Variants in FAM178B observed in about 807,000 individuals in gnomAD.
The protein encoded by FAM178B is family with sequence similarity 178 member B.
FAM178B carries 82 observed loss-of-function variants against 91.7 expected under a neutral mutation model. That is an observed-to-expected ratio of 0.89 (90% confidence interval 0.75 to 1.07). The LOEUF (loss-of-function observed/expected upper bound fraction) is 1.07. Among genes scored for constraint, FAM178B ranks in the 50% least tolerant of loss-of-function variants. The probability of loss-of-function intolerance (pLI) is 0.00; values close to 1 mark genes in which losing one functional copy is unlikely to be tolerated. For synonymous variants in FAM178B, 368 were observed against 359.4 expected, an observed-to-expected ratio of 1.02 and a Z score of -0.27; for missense variants, 769 against 846.7, an observed-to-expected ratio of 0.91 and a Z score of 1.14.
At chr2:96,948,507 A>C (rs1052012816) in intron 7 of FAM178B, among the ~76,000 whole-genome samples, 1 of 152,240 alleles carries the variant, frequency 6.6e-6, no homozygotes, top group African/African-American at 2.4e-5. Context: ...GTTTGGAAAC[A>C]TGCAGAGAGG....
chr2:96,977,194 C>CAAA (rs70964891), intron 1 of FAM178B, among the ~76,000 whole-genome samples: 2 of 38,498 alleles, frequency 5.2e-5, no homozygotes, highest in Non-Finnish European at 9.3e-5. Context: ...GACTCTGTCT[C>CAAA]AAAAAAAAAA....
chr2:96,903,474 C>T (rs2080974546), intron 12 of FAM178B, among the ~76,000 whole-genome samples: 1 of 152,248 alleles, frequency 6.6e-6, no homozygotes, highest in Non-Finnish European at 1.5e-5. Context: ...ATCCACTGGG[C>T]TTTCCTTTGG....
chr2:96,986,572 G>T lies in FAM178B; in HGVS notation c.-259C>A, dbSNP rs2082428716. On this transcript the variant is annotated 5_prime_UTR_variant, in exon 1 of 17. Transcript: ENST00000490605. Reference sequence around the variant, plus strand: ...CCGCCGCCAGCTGGGGAGCTCGCCGGCCAAGTGCGCACCCTCTTCCTGTTA... The same window carrying T: ...CCGCCGCCAGCTGGGGAGCTCGCCGTCCAAGTGCGCACCCTCTTCCTGTTA... 2.1e-6 allele frequency: 1 copy of T among 486,600 alleles called. No homozygotes were observed. 30.1% of individuals were successfully genotyped at this position (486,600 alleles called of 1,614,324 possible). A position where few individuals can be genotyped will look rare whatever the true frequency, so the allele number is the denominator to read the frequency against.
At chr2:96,971,373 G>T (rs1364979300) in intron 3 of FAM178B, among the ~76,000 whole-genome samples, 3 of 150,220 alleles carry the variant, frequency 2.0e-5, no homozygotes, top group African/African-American at 7.4e-5. Context: ...CTCTCTCGCA[G>T]GCTGTTACAA....
intron 8 of FAM178B, among the ~76,000 whole-genome samples, chr2:96,933,999 T>C (rs1489100600): frequency 1.3e-5 from 2 of 152,238 alleles, no homozygotes; most frequent in African/African-American, 4.8e-5. Context: ...TTTAAACTTG[T>C]TTCAATATTG....
intron 1 of FAM178B, among the ~76,000 whole-genome samples, chr2:96,982,494 C>A (rs1207404986): frequency 6.6e-6 from 1 of 152,044 alleles, no homozygotes; most frequent in Non-Finnish European, 1.5e-5. Flanking sequence ...AACTCCTGAG[C>A]TCAAGCAATC....
rs572445594 is a variant in FAM178B at position 96,904,260 on chromosome 2, C to T, written c.1563-1553G>A. Among the ~76,000 whole-genome samples the T allele has an allele frequency of 3.2e-4, 48 of 152,230 alleles. No individual in the cohort carries two copies. The East Asian group carries it at 7.9e-3, about 25-fold the overall frequency. On this transcript the variant is annotated intron_variant, in intron 12 of 16. Coordinates refer to ENST00000490605, the MANE Select transcript of FAM178B (RefSeq NM_001122646.3). ...GCTGTATCCATACAGCTCAGTCCTACGGGGGGGTGTTGTGATTATGAATGA... is the reference window on the plus strand; with the variant it reads ...GCTGTATCCATACAGCTCAGTCCTATGGGGGGGTGTTGTGATTATGAATGA...
chr2:96,915,703 C>A (rs932244160), intron 12 of FAM178B, among the ~76,000 whole-genome samples: 11 of 151,788 alleles, frequency 7.2e-5, no homozygotes, highest in Admixed American at 3.3e-4. Flanking sequence ...GTAGTCCCAG[C>A]CACTTGGGAG....
chr2:96,916,554 TG>T (rs1298560552), intron 12 of FAM178B, among the ~76,000 whole-genome samples: 2 of 152,196 alleles, frequency 1.3e-5, no homozygotes, highest in Non-Finnish European at 2.9e-5. Flanking sequence ...GCAGGAGCCC[TG>T]AACAGAAGTG....
intron 12 of FAM178B, among the ~76,000 whole-genome samples, chr2:96,904,856 C>T (rs989111178): frequency 9.9e-5 from 15 of 151,944 alleles, no homozygotes; most frequent in African/African-American, 1.5e-4. Context: ...CTTTTATGCC[C>T]GGGTTTAAGC....
chr2:96,950,102 G>A (rs1171783737), intron 7 of FAM178B: 1 of 985,438 alleles, frequency 1.0e-6, no homozygotes, highest in Non-Finnish European at 1.2e-6. Context: ...CTCTGAACCT[G>A]GAAGAAACCG....
intron 14 of FAM178B, among the ~76,000 whole-genome samples, chr2:96,880,744 G>GCCA (rs1260665237): frequency 1.3e-5 from 2 of 152,184 alleles, no homozygotes; most frequent in Non-Finnish European, 2.9e-5. Flanking sequence ...ACAGGCGCCC[G>GCCA]CCACCGTGCC....
chr2:96,914,773 C>G (rs1474480261), intron 12 of FAM178B, among the ~76,000 whole-genome samples: 1 of 151,922 alleles, frequency 6.6e-6, no homozygotes, highest in Non-Finnish European at 1.5e-5. Flanking sequence ...GCCTGTAGTC[C>G]CAGCTACTCG....
chr2:96,971,035 C>T (rs2082210104), intron 3 of FAM178B, among the ~76,000 whole-genome samples: 1 of 151,900 alleles, frequency 6.6e-6, no homozygotes, highest in African/African-American at 2.4e-5. Flanking sequence ...TTCAGAGACA[C>T]TTCACACAGA....
intron 12 of FAM178B, among the ~76,000 whole-genome samples, chr2:96,906,304 C>T (rs1449539410): frequency 1.3e-5 from 2 of 150,700 alleles, no homozygotes; most frequent in Admixed American, 6.6e-5. Flanking sequence ...TGGGTTCAAG[C>T]GATTCTCCTG....
intron 14 of FAM178B, among the ~76,000 whole-genome samples, chr2:96,883,379 G>C (rs2080436960): frequency 6.6e-6 from 1 of 152,244 alleles, no homozygotes; most frequent in African/African-American, 2.4e-5. Context: ...ACGCTGAAGG[G>C]GGGCAGGAAA....
intron 8 of FAM178B, among the ~76,000 whole-genome samples, chr2:96,933,291 C>T (rs1458205010): frequency 1.3e-5 from 2 of 151,960 alleles, no homozygotes; most frequent in Non-Finnish European, 2.9e-5. Context: ...CATGAACAGC[C>T]CAAAGACTCT....
At chr2:96,928,372 G>T (rs986210530) in intron 9 of FAM178B, among the ~76,000 whole-genome samples, 4 of 152,090 alleles carry the variant, frequency 2.6e-5, no homozygotes, top group Non-Finnish European at 5.9e-5. Context: ...AAGCTAAGTC[G>T]CCATCCGCCC....
chr2:96,934,599 A>G lies in FAM178B; in HGVS notation c.1079-5279T>C, dbSNP rs192321301. On this transcript the variant is annotated intron_variant, in intron 8 of 16. Coordinates refer to ENST00000490605, the MANE Select transcript of FAM178B (RefSeq NM_001122646.3). ...ACATGCACATTTTGTTGCCCCGATG[A>G]CAGTGTAAGCACAGGATGCAGGCAG... is the stretch of plus-strand genomic sequence containing the variant. Among the ~76,000 whole-genome samples, 2 of 152,304 alleles carry G rather than the reference A, an allele frequency of 1.3e-5. 1 individual carries two copies. The highest frequency in any genetic ancestry group is 3.9e-4 in the East Asian group (2 of 5,184).
Sources: gnomAD v4.1 joint callset for allele counts (sites outside exome capture counted in the v4.1 genomes callset) on GRCh38, gnomAD v4.1.1 for gene constraint, MANE v1.5 for transcripts, NCBI Gene and HGNC (gene_info 2026-07-23, HGNC 2026-07-21) for gene names.